VTI1A: variants seen among roughly 807,000 people sequenced by gnomAD.
VTI1A encodes vesicle transport through interaction with t-SNAREs homolog 1A.
A neutral mutation model predicts 34.9 loss-of-function variants in VTI1A; 22 were observed. The ratio of observed to expected loss-of-function variants is 0.63; its 90% CI spans 0.45 to 0.90. VTI1A has a LOEUF of 0.90. Among genes scored for constraint, VTI1A ranks in the 40% least tolerant of loss-of-function variants. The probability of loss-of-function intolerance (pLI) is 0.00; values close to 1 mark genes in which losing one functional copy is unlikely to be tolerated. For missense variants in VTI1A, 268 were observed against 275.6 expected (o/e 0.97, Z 0.20); for synonymous variants, 87 against 97.3 (o/e 0.89, Z 0.62).
At chr10:112,804,723 G>T (rs1457336933) in intron 7 of VTI1A, among the ~76,000 whole-genome samples, 2 of 152,110 alleles carry the variant, frequency 1.3e-5, no homozygotes, top group Non-Finnish European at 1.5e-5. Flanking sequence ...ATAGGGCAGG[G>T]ACTCTGTGTT....
chr10:112,755,153 G>A (rs1851237254), intron 7 of VTI1A, among the ~76,000 whole-genome samples: 1 of 152,180 alleles, frequency 6.6e-6, no homozygotes, highest in African/African-American at 2.4e-5. Flanking sequence ...TACCTCAGGA[G>A]GCTGAGGCAC....
intron 5 of VTI1A, among the ~76,000 whole-genome samples, chr10:112,559,152 G>T (rs1326590257): frequency 6.6e-6 from 1 of 152,124 alleles, no homozygotes; most frequent in Non-Finnish European, 1.5e-5. Flanking sequence ...ATTGACCTAA[G>T]CAATATTAAT....
rs141058085 is a variant in VTI1A, at chr10:112,521,711, A to G, written c.265-5376A>G. Among the ~76,000 whole-genome samples, 3 of 152,200 alleles carry G rather than the reference A, an allele frequency of 2.0e-5. No individual in the cohort carries two copies. The East Asian group carries it at 5.8e-4, about 29-fold the overall frequency. On this transcript the variant is annotated intron_variant, in intron 3 of 7. Coordinates refer to ENST00000393077, the MANE Select transcript of VTI1A (RefSeq NM_145206.4). ...TAACAATGTTCCAGGGATCAAACAT[A>G]TATCTAACAGTTTTCTTTACCTTTA...
chr10:112,455,061 G>C (rs1254986844), intron 1 of VTI1A, among the ~76,000 whole-genome samples: 1 of 151,758 alleles, frequency 6.6e-6, no homozygotes, highest in Non-Finnish European at 1.5e-5. Flanking sequence ...TGGGCAGAAT[G>C]AATCTCTTTT....
chr10:112,580,018 G>A (rs148654339), intron 5 of VTI1A, among the ~76,000 whole-genome samples: 1 of 152,168 alleles, frequency 6.6e-6, no homozygotes, highest in African/African-American at 2.4e-5. Flanking sequence ...AGAAAAAAAG[G>A]TGGTTTTGAT....
chr10:112,599,625 G>T (rs1844807124), intron 5 of VTI1A, among the ~76,000 whole-genome samples: 1 of 151,988 alleles, frequency 6.6e-6, no homozygotes, highest in Non-Finnish European at 1.5e-5. Flanking sequence ...TGTCTTCCAG[G>T]CAGGAGTGCA....
At chr10:112,820,610 A>G (rs1376151811), downstream of VTI1A, among the ~76,000 whole-genome samples, 1 of 152,224 alleles carries the variant, frequency 6.6e-6, no homozygotes, top group Non-Finnish European at 1.5e-5. Context: ...ATTGCACCCA[A>G]GATGGATGAG....
In VTI1A at chr10:112,574,076, A is replaced by G. The variant is rs1589922492; in HGVS notation, c.427+35746A>G. Among the ~76,000 whole-genome samples, 3 of 152,308 alleles carry G rather than the reference A, an allele frequency of 2.0e-5. No individual in the cohort carries two copies. The South Asian group carries it at 6.2e-4, about 32-fold the overall frequency. The stretch of plus-strand genomic sequence containing the variant: ...AATTCCATTTTTTTCTAAATTACTT[A>G]AAGTACAGTACTCATTGTATACTCA... On this transcript the variant is annotated intron_variant, in intron 5 of 7. Coordinates refer to ENST00000393077, the MANE Select transcript of VTI1A (RefSeq NM_145206.4).
At chr10:112,646,572 G>T (rs530151738) in intron 5 of VTI1A, among the ~76,000 whole-genome samples, 2 of 151,460 alleles carry the variant, frequency 1.3e-5, no homozygotes, top group Non-Finnish European at 1.5e-5. Context: ...TGCCCAAGCT[G>T]CAATCTTGGC....
intron 3 of VTI1A, among the ~76,000 whole-genome samples, chr10:112,472,672 G>A (rs775010576): frequency 6.6e-6 from 1 of 151,756 alleles, no homozygotes; most frequent in Non-Finnish European, 1.5e-5. Flanking sequence ...CAGCTTCCTG[G>A]GATATTTTAC....
intron 5 of VTI1A, among the ~76,000 whole-genome samples, chr10:112,626,955 T>G (rs1173081176): frequency 6.6e-6 from 1 of 152,248 alleles, no homozygotes; most frequent in Non-Finnish European, 1.5e-5. Context: ...AAAAATTAAT[T>G]GCAAACACAG....
At chr10:112,621,386 C>T (rs541274469) in intron 5 of VTI1A, among the ~76,000 whole-genome samples, 20 of 152,252 alleles carry the variant, frequency 1.3e-4, no homozygotes, top group Middle Eastern at 6.8e-3. Flanking sequence ...TATCATCCCA[C>T]GAAACAAGAT....
chr10:112,518,587 CTCTATATATA>C (rs1416036325), intron 3 of VTI1A, among the ~76,000 whole-genome samples: 9 of 93,680 alleles, frequency 9.6e-5, no homozygotes, highest in Non-Finnish European at 1.5e-4. Context: ...CTCTCTCTCT[CTCTATATATA>C]TATATATATA....
chr10:112,833,802 G>A, the VTI1A span, among the ~76,000 whole-genome samples: 1 of 152,176 alleles, frequency 6.6e-6, no homozygotes, highest in African/African-American at 2.4e-5. Context: ...TTCAATCCCT[G>A]TGGCATTGAT....
At chr10:112,515,659 A>C (rs1849750819) in intron 3 of VTI1A, among the ~76,000 whole-genome samples, 2 of 152,110 alleles carry the variant, frequency 1.3e-5, no homozygotes, top group South Asian at 4.1e-4. Flanking sequence ...GAACAGATTC[A>C]AAATGCAACA....
intron 7 of VTI1A, among the ~76,000 whole-genome samples, chr10:112,772,453 G>T (rs1407321732): frequency 6.6e-6 from 1 of 152,132 alleles, no homozygotes; most frequent in Non-Finnish European, 1.5e-5. Context: ...ATGTCTTATT[G>T]TATATACGAT....
At chr10:112,664,113 G>T (rs904659064) in intron 5 of VTI1A, among the ~76,000 whole-genome samples, 1 of 151,990 alleles carries the variant, frequency 6.6e-6, no homozygotes, top group South Asian at 2.1e-4. Context: ...AAAATAATTC[G>T]CTGGATACCA....
At chr10:112,831,535 A>G in the VTI1A span, 2 of 152,344 alleles carry the variant, frequency 1.3e-5, no homozygotes, top group East Asian at 1.9e-4. Context: ...GGAGCTGAGC[A>G]GCTTCACAAG....
intron 5 of VTI1A, among the ~76,000 whole-genome samples, chr10:112,546,649 C>G (rs1851141215): frequency 2.0e-5 from 3 of 151,772 alleles, no homozygotes; most frequent in Non-Finnish European, 4.4e-5. Context: ...CATTTTATCT[C>G]TATATTTAAC....
Sources: gnomAD v4.1 joint callset for allele counts (sites outside exome capture counted in the v4.1 genomes callset) on GRCh38, gnomAD v4.1.1 for gene constraint, MANE v1.5 for transcripts, NCBI Gene and HGNC (gene_info 2026-07-23, HGNC 2026-07-21) for gene names.